NUP35: variants seen among roughly 807,000 people sequenced by gnomAD.
NUP35 encodes nucleoporin 35.
A neutral mutation model predicts 41.5 loss-of-function variants in NUP35; 25 were observed. That is an observed-to-expected ratio of 0.60 (90% confidence interval 0.44 to 0.84). The LOEUF is 0.84. Among genes scored for constraint, NUP35 ranks in the 40% least tolerant of loss-of-function variants. The pLI, the probability that NUP35 is intolerant of heterozygous loss-of-function variation, is 0.00. For missense variants in NUP35, 396 were observed against 396.6 expected (o/e 1.00, Z 0.01); for synonymous variants, 149 against 130.7 (o/e 1.14, Z -0.96).
intron 1 of NUP35, 110 bp from the exon 2 acceptor site, chr2:183,128,177 A>C (rs1021819223): frequency 1.5e-6 from 1 of 665,834 alleles, no homozygotes; most frequent in Non-Finnish European, 2.3e-6. Flanking sequence ...TATATCTAAA[A>C]GTTTTGATTA....
chr2:183,159,337 A>T, intron 7 of NUP35, 151 bp from the exon 8 acceptor site: 1 of 640,860 alleles, frequency 1.6e-6, no homozygotes, highest in Non-Finnish European at 2.5e-6. Flanking sequence ...AGAAGCAAAT[A>T]TTTTCTCAAG....
At chr2:183,131,609 C>T (rs1430028279) in intron 3 of NUP35, among the ~76,000 whole-genome samples, 1 of 152,158 alleles carries the variant, frequency 6.6e-6, no homozygotes, top group Non-Finnish European at 1.5e-5. Flanking sequence ...CCAACAGGAG[C>T]CACTAGCTAA....
At chr2:183,139,208 C>CTTTTTT (rs146370641) in intron 4 of NUP35, among the ~76,000 whole-genome samples, 3 of 76,104 alleles carry the variant, frequency 3.9e-5, no homozygotes, top group African/African-American at 1.7e-4. Flanking sequence ...GCATTTCTTT[C>CTTTTTT]TTTCTTTTTT....
At chr2:183,147,009 T>C (rs937987129) in intron 4 of NUP35, among the ~76,000 whole-genome samples, 1 of 152,264 alleles carries the variant, frequency 6.6e-6, no homozygotes, top group African/African-American at 2.4e-5. Flanking sequence ...TTTTCATGTT[T>C]GTTGGTCACC....
At chr2:183,152,110 A>ACACAC (rs1685486990) in intron 5 of NUP35, among the ~76,000 whole-genome samples, 7 of 113,466 alleles carry the variant, frequency 6.2e-5, no homozygotes, top group Non-Finnish European at 7.8e-5. Context: ...AACATTTACA[A>ACACAC]ACACACACAC....
chr2:183,143,770 C>G (rs1685182541), intron 4 of NUP35, among the ~76,000 whole-genome samples: 1 of 152,044 alleles, frequency 6.6e-6, no homozygotes, highest in African/African-American at 2.4e-5. Flanking sequence ...ATCATTGGTC[C>G]CCAAAACCTG....
At chr2:183,130,805 C>A (rs1239717429) in intron 3 of NUP35, among the ~76,000 whole-genome samples, 1 of 152,160 alleles carries the variant, frequency 6.6e-6, no homozygotes, top group Non-Finnish European at 1.5e-5. Flanking sequence ...CTGCCCATAG[C>A]TCCAACCTAC....
intron 5 of NUP35, among the ~76,000 whole-genome samples, chr2:183,151,881 C>T (rs905384664): frequency 3.9e-5 from 6 of 151,968 alleles, no homozygotes; most frequent in African/African-American, 1.5e-4. Context: ...TACATATTAC[C>T]CTGACACTTG....
intron 1 of NUP35, 119 bp from the exon 2 acceptor site, chr2:183,128,168 A>T: frequency 1.7e-6 from 1 of 577,312 alleles, no homozygotes; most frequent in Non-Finnish European, 2.8e-6. Flanking sequence ...TGGTTCTATT[A>T]TATCTAAAAG....
chr2:183,144,630 G>GA (rs1159690766), intron 4 of NUP35, among the ~76,000 whole-genome samples: 2 of 152,196 alleles, frequency 1.3e-5, no homozygotes, highest in Non-Finnish European at 2.9e-5. Context: ...GTCTTAGGAA[G>GA]AATGTTTGAA....
At chr2:183,130,245 C>T (rs1684649085) in intron 2 of NUP35, among the ~76,000 whole-genome samples, 173 bp from the exon 3 acceptor site, 1 of 152,164 alleles carries the variant, frequency 6.6e-6, no homozygotes, top group Admixed American at 6.5e-5. Flanking sequence ...CACCCTACAC[C>T]TTCTGAATCA....
chr2:183,129,291 A>G (rs550006617), intron 2 of NUP35, among the ~76,000 whole-genome samples: 1 of 152,354 alleles, frequency 6.6e-6, no homozygotes, highest in Non-Finnish European at 1.5e-5. Context: ...TGTTTATTAC[A>G]GAACTCCTTT....
chr2:183,159,464 G>A (rs1388676308), intron 7 of NUP35, 24 bp from the exon 8 acceptor site: 2 of 1,593,414 alleles, frequency 1.3e-6, no homozygotes, highest in South Asian at 1.1e-5. Flanking sequence ...TATAAACAAA[G>A]GAGTTATTTC....
intron 3 of NUP35, chr2:183,131,233 A>G (rs1411833297): frequency 6.3e-6 from 1 of 158,046 alleles, no homozygotes; most frequent in African/African-American, 2.4e-5. Context: ...AATGTGAGCC[A>G]CTGTGCCTGG....
chr2:183,140,665 T>A (rs927220879), intron 4 of NUP35, among the ~76,000 whole-genome samples: 1 of 151,770 alleles, frequency 6.6e-6, no homozygotes, highest in Admixed American at 6.6e-5. Context: ...CTACAAAAAC[T>A]ACAAGAAATT....
chr2:183,127,040 C>G (rs1236819802), intron 1 of NUP35, among the ~76,000 whole-genome samples: 1 of 152,014 alleles, frequency 6.6e-6, no homozygotes, highest in Non-Finnish European at 1.5e-5. Flanking sequence ...TTAGTGGATG[C>G]TAGCTATGCT....
chr2:183,161,627 G>C lies in NUP35; in HGVS notation c.*496G>C, dbSNP rs546233892. 1 of 152,054 alleles carries C rather than the reference G, an allele frequency of 6.6e-6. No homozygotes were observed. Among genetic ancestry groups the C allele is most frequent in the Non-Finnish European group, 1.5e-5 (1 of 68,050 alleles). 9.4% of individuals were successfully genotyped at this position (152,054 alleles called of 1,614,324 possible). A position where few individuals can be genotyped will look rare whatever the true frequency, so the allele number is the denominator to read the frequency against. ...GTGTCCTCTTGGTGTATTCTAAAAC[G>C]AGCATTCTTTTAAAAAACCTAAAGT... On this transcript the variant is annotated 3_prime_UTR_variant, in exon 9 of 9. Transcript: ENST00000295119.
chr2:183,119,239 C>T (rs1373360574), intron 1 of NUP35, among the ~76,000 whole-genome samples: 1 of 152,114 alleles, frequency 6.6e-6, no homozygotes, highest in Non-Finnish European at 1.5e-5. Context: ...GTAGGGGGCA[C>T]CTTCTCTTGC....
At chr2:183,158,220 A>C in intron 6 of NUP35, 63 bp from the exon 7 acceptor site, 8 of 1,123,692 alleles carry the variant, frequency 7.1e-6, no homozygotes, top group Non-Finnish European at 8.4e-6. Context: ...ATTTTCTAGT[A>C]GAATTCATTA....
Sources: allele counts gnomAD v4.1 joint callset (sites outside exome capture counted in the v4.1 genomes callset), GRCh38; gene constraint gnomAD v4.1.1; transcripts MANE v1.5; gene names NCBI Gene and HGNC (gene_info 2026-07-23, HGNC 2026-07-21).